Variants in KIF6 observed in about 807,000 individuals in gnomAD.
The protein encoded by KIF6 is kinesin family member 6.
Under a neutral mutation model 112.7 loss-of-function variants are expected in KIF6, and 106 were observed. The ratio of observed to expected loss-of-function variants is 0.94; its 90% CI spans 0.80 to 1.11. The LOEUF (loss-of-function observed/expected upper bound fraction) is 1.11. KIF6 is among the 50% of genes least tolerant of loss of function. The pLI is 0.00. For missense variants in KIF6, 929 were observed against 964.0 expected (o/e 0.96, Z 0.48); for synonymous variants, 339 against 339.9 (o/e 1.00, Z 0.03).
chr6:39,692,617 C>G (rs1788282542), intron 3 of KIF6, among the ~76,000 whole-genome samples: 1 of 152,142 alleles, frequency 6.6e-6, no homozygotes. Context: ...CCTCAATAAG[C>G]TAAAACTGTG....
intron 13 of KIF6, among the ~76,000 whole-genome samples, chr6:39,535,843 C>T (rs866916910): frequency 2.0e-5 from 3 of 151,848 alleles, no homozygotes; most frequent in Admixed American, 6.6e-5. Context: ...TGTAAAAGAA[C>T]AGAAATTATA....
At chr6:39,703,569 A>G (rs1360695737) in intron 3 of KIF6, among the ~76,000 whole-genome samples, 1 of 152,208 alleles carries the variant, frequency 6.6e-6, no homozygotes, top group African/African-American at 2.4e-5. Flanking sequence ...ATTTGTTCCT[A>G]TTATTTAGCA....
At chr6:39,548,751 G>T (rs1010139030) in intron 10 of KIF6, among the ~76,000 whole-genome samples, 1 of 152,144 alleles carries the variant, frequency 6.6e-6, no homozygotes. Flanking sequence ...CCTCTAAGGG[G>T]TCTCCCAGCT....
At position 39,360,385 on chromosome 6, in the gene KIF6, C is replaced by T. The variant is rs757947423; in HGVS notation, c.2082+10G>A. 3.1e-6 allele frequency: 5 copies of T among 1,614,050 alleles called. No homozygotes were observed. The highest frequency in any genetic ancestry group is 1.7e-4 in the Middle Eastern group (1 of 6,044). On this transcript the variant is annotated intron_variant, in intron 18 of 22. Coordinates refer to ENST00000287152, the MANE Select transcript of KIF6 (RefSeq NM_145027.6). The stretch of plus-strand genomic sequence containing the variant: ...CCTCCCCAGCTTCCCTGATGTTCCC[C>T]AGGCCATACCTGCAGGTTGGTGGCC...
chr6:39,537,849 G>C (rs1243953123), intron 13 of KIF6, among the ~76,000 whole-genome samples: 2 of 152,096 alleles, frequency 1.3e-5, no homozygotes, highest in Non-Finnish European at 2.9e-5. Context: ...AAACAGCATG[G>C]TACTGGTACC....
intron 6 of KIF6, among the ~76,000 whole-genome samples, chr6:39,602,019 C>A (rs1782603373): frequency 6.6e-6 from 1 of 151,934 alleles, no homozygotes; most frequent in African/African-American, 2.4e-5. Flanking sequence ...TCTTTATATC[C>A]CCAAGGATAT....
At chr6:39,535,973 T>A (rs1778398431) in intron 13 of KIF6, among the ~76,000 whole-genome samples, 1 of 151,886 alleles carries the variant, frequency 6.6e-6, no homozygotes, top group Non-Finnish European at 1.5e-5. Flanking sequence ...ACTGGGTACA[T>A]AACGAAATGA....
At chr6:39,525,544 CA>C (rs1462549134) in intron 13 of KIF6, among the ~76,000 whole-genome samples, 1 of 152,114 alleles carries the variant, frequency 6.6e-6, no homozygotes, top group African/African-American at 2.4e-5. Flanking sequence ...CACCTGAGGC[CA>C]GGAGTTCGAG....
intron 2 of KIF6, among the ~76,000 whole-genome samples, chr6:39,717,680 T>C (rs1248017333): frequency 6.6e-6 from 1 of 152,192 alleles, no homozygotes; most frequent in Non-Finnish European, 1.5e-5. Flanking sequence ...AGCTTTGTTG[T>C]GTTCCCTGCT....
intron 8 of KIF6, among the ~76,000 whole-genome samples, chr6:39,585,584 T>G (rs915603811): frequency 6.6e-6 from 1 of 152,242 alleles, no homozygotes; most frequent in African/African-American, 2.4e-5. Flanking sequence ...TGGTATAGTA[T>G]GTGTTTTCAG....
intron 10 of KIF6, among the ~76,000 whole-genome samples, chr6:39,570,640 T>G (rs1582160322): frequency 6.6e-6 from 1 of 152,186 alleles, no homozygotes; most frequent in East Asian, 1.9e-4. Flanking sequence ...TGATAGGAGA[T>G]AACTGAATCA....
chr6:39,409,730 G>A (rs1461106223), intron 15 of KIF6, among the ~76,000 whole-genome samples: 1 of 152,176 alleles, frequency 6.6e-6, no homozygotes, highest in Non-Finnish European at 1.5e-5. Flanking sequence ...GTGGAATGGC[G>A]GCTGCGAGGA....
intron 22 of KIF6, among the ~76,000 whole-genome samples, chr6:39,339,440 C>T (rs1164187396): frequency 1.2e-4 from 19 of 152,004 alleles, no homozygotes; most frequent in Admixed American, 1.2e-3. Flanking sequence ...TTTCTCTTTC[C>T]CTGGGAGGGT....
intron 22 of KIF6, among the ~76,000 whole-genome samples, chr6:39,338,932 TG>T (rs1763169675): frequency 8.6e-6 from 1 of 116,530 alleles, no homozygotes; most frequent in African/African-American, 3.4e-5. Context: ...CACACTTGCA[TG>T]CAGTAATGAC....
chr6:39,341,369 T>C (rs538873129), intron 22 of KIF6, among the ~76,000 whole-genome samples: 3 of 152,284 alleles, frequency 2.0e-5, no homozygotes, highest in East Asian at 1.9e-4. Context: ...CCTGAGGCCA[T>C]ACCCACTTAT....
chr6:39,592,103 C>G (rs1454237245), intron 7 of KIF6, among the ~76,000 whole-genome samples: 1 of 151,482 alleles, frequency 6.6e-6, no homozygotes, highest in Non-Finnish European at 1.5e-5. Context: ...CAGAGTGAGA[C>G]TCCGTCTCAA....
rs1210937656 is a variant in KIF6, at chr6:39,366,171, C to T, written c.1862-3653G>A. Among the ~76,000 whole-genome samples the T allele has an allele frequency of 2.0e-5, 3 of 152,198 alleles. No individual in the cohort carries two copies. In the East Asian group the frequency reaches 5.8e-4, roughly 29 times the overall value. On this transcript the variant is annotated intron_variant, in intron 16 of 22. Transcript: ENST00000287152. ...CAAGCACAGAATGATAACATCAACG[C>T]CATCTGGGGAGTCGCTTGAGCCCAT...
At chr6:39,721,383 A>T (rs1194047280) in intron 1 of KIF6, among the ~76,000 whole-genome samples, 1 of 152,160 alleles carries the variant, frequency 6.6e-6, no homozygotes, top group Non-Finnish European at 1.5e-5. Context: ...GTCATTTTCA[A>T]GGTTCTCCTT....
At chr6:39,409,531 C>T (rs985101533) in intron 15 of KIF6, among the ~76,000 whole-genome samples, 13 of 152,212 alleles carry the variant, frequency 8.5e-5, no homozygotes, top group African/African-American at 3.1e-4. Flanking sequence ...CAAGTGTCTG[C>T]GTGGTGTTTC....
Sources: gnomAD v4.1 joint callset for allele counts (sites outside exome capture counted in the v4.1 genomes callset) on GRCh38, gnomAD v4.1.1 for gene constraint, MANE v1.5 for transcripts, NCBI Gene and HGNC (gene_info 2026-07-23, HGNC 2026-07-21) for gene names.